Variants in MAT1A observed in about 807,000 individuals in gnomAD.
MAT1A encodes methionine adenosyltransferase 1A.
In MAT1A, 19 loss-of-function variants were observed where a neutral mutation model predicts 44.0. The ratio of observed to expected loss-of-function variants is 0.43; its 90% CI spans 0.30 to 0.63. The LOEUF is 0.63. MAT1A is among the 30% of genes least tolerant of loss of function. MAT1A has a pLI of 0.12. For synonymous variants in MAT1A, 205 were observed against 205.6 expected, an observed-to-expected ratio of 1.00 and a Z score of 0.03; for missense variants, 397 against 531.0, an observed-to-expected ratio of 0.75 and a Z score of 2.48.
At chr10:80,281,275 A>C (rs917034043) in intron 3 of MAT1A, among the ~76,000 whole-genome samples, 10 of 152,088 alleles carry the variant, frequency 6.6e-5, no homozygotes, top group Non-Finnish European at 1.3e-4. Context: ...TATTAAACAT[A>C]CTGAACAAAT....
At chr10:80,284,152 G>T in intron 2 of MAT1A, 114 bp from the exon 3 acceptor site, 1 of 1,366,378 alleles carries the variant, frequency 7.3e-7, no homozygotes, top group East Asian at 2.5e-5. Flanking sequence ...GGCCTTACGA[G>T]GAATGGATTC....
At chr10:80,277,520 G>A (rs1474231319) in intron 5 of MAT1A, among the ~76,000 whole-genome samples, 3 of 152,198 alleles carry the variant, frequency 2.0e-5, no homozygotes, top group East Asian at 1.9e-4. Flanking sequence ...CACAGACATC[G>A]TGAGCTGAGA....
At chr10:80,280,491 G>C (rs558743393) in intron 4 of MAT1A, among the ~76,000 whole-genome samples, 175 bp from the exon 5 acceptor site, 2 of 152,240 alleles carry the variant, frequency 1.3e-5, no homozygotes, top group African/African-American at 4.8e-5. Flanking sequence ...ACTCTAGGAG[G>C]GGGAGACAAG....
chr10:80,278,353 C>A (rs1841518095), intron 5 of MAT1A, among the ~76,000 whole-genome samples: 1 of 152,138 alleles, frequency 6.6e-6, no homozygotes, highest in Admixed American at 6.5e-5. Flanking sequence ...TAGGTGGTCC[C>A]TCTGTTCCTC....
intron 3 of MAT1A, among the ~76,000 whole-genome samples, chr10:80,282,661 C>G (rs1841584402): frequency 6.6e-6 from 1 of 152,130 alleles, no homozygotes; most frequent in Non-Finnish European, 1.5e-5. Flanking sequence ...TTAACTGGTT[C>G]TTACTGCTTC....
rs924097781 is a variant in MAT1A, at chr10:80,273,469, C to G, written c.*312G>C. On this transcript the variant is annotated 3_prime_UTR_variant, in exon 9 of 9. Transcript: ENST00000372213. Reference sequence around the variant, plus strand: ...GGAGGGGGAGCTGGTCAGGGTCCAGCTGTTGGGGGAGACGAGTGAGGGAAT... The same window carrying G: ...GGAGGGGGAGCTGGTCAGGGTCCAGGTGTTGGGGGAGACGAGTGAGGGAAT... The G allele has an allele frequency of 5.3e-6, 2 of 377,598 alleles. No homozygotes were observed. The highest frequency in any genetic ancestry group is 4.2e-5 in the African/African-American group (2 of 47,644). The allele number at this position is 377,598 out of a possible 1,614,324, so 23.4% of individuals were successfully genotyped here. A position where few individuals can be genotyped will look rare whatever the true frequency, so the allele number is the denominator to read the frequency against.
chr10:80,282,801 G>T (rs981893923), intron 3 of MAT1A, among the ~76,000 whole-genome samples: 1 of 152,134 alleles, frequency 6.6e-6, no homozygotes, highest in African/African-American at 2.4e-5. Flanking sequence ...CCATGAGTGG[G>T]CTCTCTCACT....
intron 3 of MAT1A, among the ~76,000 whole-genome samples, chr10:80,281,483 G>C (rs1284200086): frequency 6.6e-6 from 1 of 152,100 alleles, no homozygotes; most frequent in African/African-American, 2.4e-5. Context: ...GCTCAGCCCT[G>C]GGAGTCCCAT....
At chr10:80,277,314 A>T (rs1181410294) in intron 5 of MAT1A, among the ~76,000 whole-genome samples, 1 of 152,168 alleles carries the variant, frequency 6.6e-6, no homozygotes, top group Non-Finnish European at 1.5e-5. Flanking sequence ...CGGGGCAGCA[A>T]ACAGTGGCTC....
intron 5 of MAT1A, among the ~76,000 whole-genome samples, chr10:80,279,923 T>G (rs575591033): frequency 4.0e-4 from 61 of 152,134 alleles, no homozygotes; most frequent in Non-Finnish European, 7.5e-4. Context: ...TGTTTACTAA[T>G]GAGCAAACAA....
Position 80,273,413 on chromosome 10 carries a change from T to A in MAT1A, c.*368A>T. 1 of 336,414 alleles carries A rather than the reference T, an allele frequency of 3.0e-6. No individual in the cohort carries two copies. Among genetic ancestry groups the A allele is most frequent in the Non-Finnish European group, 5.8e-6 (1 of 171,442 alleles). 20.8% of individuals were successfully genotyped at this position (336,414 alleles called of 1,614,324 possible). ...AGGAGCCCTGAGGCCTGTTGAGATG[T>A]GCTGACCTCACCTGGCACAGGCAAG... On this transcript the variant is annotated 3_prime_UTR_variant, in exon 9 of 9. Transcript: ENST00000372213.
chr10:80,276,263 G>A, intron 6 of MAT1A, 113 bp downstream of exon 6: 1 of 1,059,916 alleles, frequency 9.4e-7, no homozygotes, highest in African/African-American at 1.6e-5. Context: ...TTAGTCCATG[G>A]CCAGAGTCAG....
At position 80,289,581 on chromosome 10, in the gene MAT1A, C is replaced by A. The variant is rs1841694942; in HGVS notation, c.-158G>T. On this transcript the variant is annotated 5_prime_UTR_variant, in exon 1 of 9. Transcript: ENST00000372213. ...ACTTCTGCCTAACTGCCTGTGAGCA[C>A]GTGAGAACAGGCGAGGACTGCTGAG... 2.9e-6 allele frequency: 2 copies of A among 689,940 alleles called. No homozygotes were observed. The highest frequency in any genetic ancestry group is 5.5e-5 in the East Asian group (2 of 36,568). 42.7% of individuals were successfully genotyped at this position (689,940 alleles called of 1,614,324 possible).
chr10:80,275,740 GA>G (rs1278290248), intron 6 of MAT1A, among the ~76,000 whole-genome samples: 2 of 152,216 alleles, frequency 1.3e-5, no homozygotes, highest in Non-Finnish European at 1.5e-5. Flanking sequence ...AGTCCTGCAA[GA>G]AAAAACAATA....
At chr10:80,280,607 T>C (rs559758014) in intron 4 of MAT1A, 73 bp downstream of exon 4, 143 of 1,309,770 alleles carry the variant, frequency 1.1e-4, no homozygotes, top group Non-Finnish European at 1.5e-4. Context: ...CACCCCTCAG[T>C]GTGATTAACC....
At position 80,272,379 on chromosome 10, in the gene MAT1A, C is replaced by G. The variant is rs1241494035; in HGVS notation, c.*1402G>C. The G allele has an allele frequency of 6.6e-6, 1 of 152,588 alleles. No homozygotes were observed. Among genetic ancestry groups the G allele is most frequent in the African/African-American group, 2.4e-5 (1 of 41,444 alleles). 9.5% of individuals were successfully genotyped at this position (152,588 alleles called of 1,614,324 possible). A position where few individuals can be genotyped will look rare whatever the true frequency, so the allele number is the denominator to read the frequency against. On this transcript the variant is annotated 3_prime_UTR_variant, in exon 9 of 9. Transcript: ENST00000372213. ...ATGGAAAGGCAGGCAAGTTCCAAGA[C>G]CTTAGCAGGCCAAGGACTGCTCAGG...
At chr10:80,284,238 G>A (rs1444467935) in intron 2 of MAT1A, among the ~76,000 whole-genome samples, 200 bp from the exon 3 acceptor site, 5 of 152,160 alleles carry the variant, frequency 3.3e-5, no homozygotes, top group Non-Finnish European at 7.3e-5. Flanking sequence ...ATGCTGTCTT[G>A]GAAAGAGTCA....
At chr10:80,279,122 T>C (rs1841526955) in intron 5 of MAT1A, among the ~76,000 whole-genome samples, 1 of 152,130 alleles carries the variant, frequency 6.6e-6, no homozygotes, top group South Asian at 2.1e-4. Context: ...TAGAAAACAC[T>C]GAATAGATGT....
chr10:80,283,255 G>A lies in MAT1A; in HGVS notation c.292+661C>T, dbSNP rs558708954. The stretch of plus-strand genomic sequence containing the variant: ...CCTTTGCTGCCCTCCAGGCTGTGCC[G>A]CTGCCTGGCCTGCTCAGTCTCAGAT... On this transcript the variant is annotated intron_variant, in intron 3 of 8. Transcript: ENST00000372213. Among the ~76,000 whole-genome samples, 10 of 152,308 alleles carry A rather than the reference G, an allele frequency of 6.6e-5. No homozygotes were observed. The South Asian group carries it at 1.2e-3, about 19-fold the overall frequency.
Sources: allele counts gnomAD v4.1 joint callset (sites outside exome capture counted in the v4.1 genomes callset), GRCh38; gene constraint gnomAD v4.1.1; transcripts MANE v1.5; gene names NCBI Gene and HGNC (gene_info 2026-07-23, HGNC 2026-07-21).